TBC1D22A: variants seen among roughly 807,000 people sequenced by gnomAD.
TBC1D22A encodes TBC1 domain family member 22A, also known as putative GTPase activator.
In TBC1D22A, 38 loss-of-function variants were observed where a neutral mutation model predicts 60.2. The observed-to-expected ratio is 0.63, with a 90% CI of 0.49 to 0.83. The LOEUF (loss-of-function observed/expected upper bound fraction) is 0.83, where lower values mean the gene tolerates loss of function less well. Ranked by LOEUF, TBC1D22A falls within the 40% of genes least tolerant of loss-of-function variation. The pLI is 0.00. For missense variants in TBC1D22A, 628 were observed against 701.0 expected (o/e 0.90, Z 1.18); for synonymous variants, 302 against 281.7 (o/e 1.07, Z -0.72).
At chr22:46,931,254 T>C (rs1383877503) in intron 8 of TBC1D22A, among the ~76,000 whole-genome samples, 2 of 152,256 alleles carry the variant, frequency 1.3e-5, no homozygotes, top group Non-Finnish European at 2.9e-5. Context: ...GGCTGAGATG[T>C]TGGGATTTTT....
chr22:47,165,801 A>T (rs1314516181), intron 12 of TBC1D22A, among the ~76,000 whole-genome samples: 1 of 152,104 alleles, frequency 6.6e-6, no homozygotes, highest in Non-Finnish European at 1.5e-5. Flanking sequence ...CCCAGGTGGC[A>T]TCAGGGCCTC....
intron 10 of TBC1D22A, among the ~76,000 whole-genome samples, chr22:47,030,086 G>A (rs1403568114): frequency 1.3e-5 from 2 of 152,230 alleles, no homozygotes; most frequent in East Asian, 1.9e-4. Context: ...CTCTTGGTGC[G>A]GAGGGGCCCT....
intron 10 of TBC1D22A, among the ~76,000 whole-genome samples, chr22:47,013,788 C>A (rs2061824470): frequency 6.6e-6 from 1 of 152,228 alleles, no homozygotes; most frequent in African/African-American, 2.4e-5. Context: ...ACCCCCTCGT[C>A]TCTCTAGACC....
intron 1 of TBC1D22A, among the ~76,000 whole-genome samples, chr22:46,781,474 C>A (rs1005060803): frequency 3.3e-5 from 5 of 152,234 alleles, no homozygotes; most frequent in African/African-American, 1.2e-4. Context: ...CCACGCCCAA[C>A]CCCAGTTCTC....
chr22:47,099,508 C>T (rs1472439336), intron 11 of TBC1D22A, among the ~76,000 whole-genome samples: 4 of 151,074 alleles, frequency 2.6e-5, no homozygotes, highest in Non-Finnish European at 4.4e-5. Flanking sequence ...TGCAATGGCG[C>T]GATCTCAGCT....
intron 11 of TBC1D22A, among the ~76,000 whole-genome samples, chr22:47,109,889 C>G (rs1008794477): frequency 3.9e-5 from 6 of 152,080 alleles, no homozygotes; most frequent in African/African-American, 1.4e-4. Context: ...TTCTGATGAC[C>G]GTGGTCCCCT....
At chr22:46,832,178 A>G (rs796513520) in intron 4 of TBC1D22A, among the ~76,000 whole-genome samples, 7 of 152,336 alleles carry the variant, frequency 4.6e-5, no homozygotes, top group African/African-American at 1.7e-4. Flanking sequence ...CAGTCCATGC[A>G]TCATGGCAGG....
intron 11 of TBC1D22A, among the ~76,000 whole-genome samples, chr22:47,107,373 A>C (rs529570215): frequency 6.6e-6 from 1 of 152,328 alleles, no homozygotes; most frequent in Non-Finnish European, 1.5e-5. Context: ...GCTGGAGTTT[A>C]AAAACCCAGT....
At chr22:46,948,569 C>G (rs1344277594) in intron 8 of TBC1D22A, among the ~76,000 whole-genome samples, 1 of 152,240 alleles carries the variant, frequency 6.6e-6, no homozygotes, top group Non-Finnish European at 1.5e-5. Context: ...CCCTTTGAGT[C>G]TCTGGAGTTG....
At chr22:47,153,136 CT>C (rs1455614699) in intron 12 of TBC1D22A, among the ~76,000 whole-genome samples, 1 of 152,154 alleles carries the variant, frequency 6.6e-6, no homozygotes, top group Non-Finnish European at 1.5e-5. Context: ...GCTGCTGAAA[CT>C]CCAGCCATTG....
At chr22:47,124,102 G>A (rs2147096915) in intron 12 of TBC1D22A, among the ~76,000 whole-genome samples, 1 of 152,348 alleles carries the variant, frequency 6.6e-6, no homozygotes, top group South Asian at 2.1e-4. Context: ...GGGTCCTTGT[G>A]TGGGAGCGGC....
rs548580557 is a variant in TBC1D22A, at chr22:47,014,366, T to G, written c.1201+16657T>G. Among the ~76,000 whole-genome samples the G allele has an allele frequency of 2.0e-5, 3 of 152,288 alleles. No homozygotes were observed. In the South Asian group the frequency reaches 6.2e-4, roughly 32 times the overall value. The stretch of plus-strand genomic sequence containing the variant: ...AATACAGGTGTCCAGAGCCCTCTGA[T>G]GACTCCCATAGCCGCAGGCCTCAGT... On this transcript the variant is annotated intron_variant, in intron 10 of 12. Transcript: ENST00000337137.
chr22:46,814,817 T>A (rs899673130), intron 4 of TBC1D22A, among the ~76,000 whole-genome samples: 7 of 151,304 alleles, frequency 4.6e-5, no homozygotes, highest in African/African-American at 1.7e-4. Context: ...GCTATTTTTT[T>A]TTTTTTTTGT....
chr22:47,101,258 CTGAG>C (rs1437603229), intron 11 of TBC1D22A, among the ~76,000 whole-genome samples: 1 of 152,228 alleles, frequency 6.6e-6, no homozygotes, highest in African/African-American at 2.4e-5. Context: ...TAAATGACAC[CTGAG>C]TGTTTCCTCT....
At chr22:46,803,047 CAG>C (rs1307902335) in intron 4 of TBC1D22A, among the ~76,000 whole-genome samples, 1 of 152,100 alleles carries the variant, frequency 6.6e-6, no homozygotes, top group Non-Finnish European at 1.5e-5. Flanking sequence ...CCTCATGAAA[CAG>C]AGAGCCAGGG....
At chr22:46,811,633 C>T (rs961961740) in intron 4 of TBC1D22A, among the ~76,000 whole-genome samples, 10 of 152,168 alleles carry the variant, frequency 6.6e-5, no homozygotes, top group African/African-American at 1.2e-4. Flanking sequence ...AGTGCCCCTG[C>T]GATTCCTAGA....
chr22:47,045,092 A>G lies in TBC1D22A; in HGVS notation c.1329+7894A>G, dbSNP rs146290920. 3.7e-4 allele frequency among the ~76,000 whole-genome samples: 56 copies of G among 152,346 alleles called. No individual in the cohort carries two copies. The East Asian group carries it at 9.6e-3, about 26-fold the overall frequency. On this transcript the variant is annotated intron_variant, in intron 11 of 12. Coordinates refer to ENST00000337137, the MANE Select transcript of TBC1D22A (RefSeq NM_014346.5). Reference sequence around the variant, plus strand: ...TCTCTCCTCTTTGTGGACAAAATGCAGAGTTGTGCTTGGAGCAAGAAAAGT... The same window carrying G: ...TCTCTCCTCTTTGTGGACAAAATGCGGAGTTGTGCTTGGAGCAAGAAAAGT...
intron 10 of TBC1D22A, among the ~76,000 whole-genome samples, chr22:47,033,757 G>A (rs1023424116): frequency 3.9e-5 from 6 of 152,200 alleles, no homozygotes; most frequent in Non-Finnish European, 5.9e-5. Flanking sequence ...GGGTGAGCCC[G>A]GGGCGCGGGG....
intron 10 of TBC1D22A, among the ~76,000 whole-genome samples, chr22:47,036,013 C>A (rs746194943): frequency 2.0e-5 from 3 of 152,162 alleles, no homozygotes; most frequent in Middle Eastern, 3.2e-3. Flanking sequence ...ATTTCTAGAA[C>A]TTTCTTTGAG....
Sources: allele counts gnomAD v4.1 joint callset (sites outside exome capture counted in the v4.1 genomes callset), GRCh38; gene constraint gnomAD v4.1.1; transcripts MANE v1.5; gene names NCBI Gene and HGNC (gene_info 2026-07-23, HGNC 2026-07-21).